FIGNL2: variants seen among roughly 807,000 people sequenced by gnomAD.
FIGNL2 encodes fidgetin-like protein 2.
For synonymous variants in FIGNL2, 565 were observed against 484.0 expected (o/e 1.17, Z -2.20); for missense variants, 1,060 against 950.2 (o/e 1.12, Z -1.52).
intron 1 of FIGNL2, chr12:51,845,722 G>C (rs1939737999): frequency 3.1e-6 from 3 of 970,296 alleles, no homozygotes; most frequent in Non-Finnish European, 3.7e-6. Context: ...CCGACGGCAG[G>C]GGGAGGGGAA....
chr12:51,822,067 G>A lies in FIGNL2; in HGVS notation c.347C>T (p.Pro116Leu). 1 of 1,610,938 alleles carries A rather than the reference G, an allele frequency of 6.2e-7. No homozygotes were observed. The highest frequency in any genetic ancestry group is 8.5e-7 in the Non-Finnish European group (1 of 1,178,746). Residue 116 changes from proline to leucine, a missense_variant, in exon 2 of 2, where the codon CCA (proline) becomes CTA (leucine). Physicochemically the swap from Pro to Leu is moderately conservative, Grantham distance 98 (BLOSUM62 -3). Transcript: ENST00000618634. ...GCCGCCACCGCCCGATTTGGTTCCTGGGAGGCCTTCGTGGAGTGAGGCCAA... is the reference window on the plus strand; with the variant it reads ...GCCGCCACCGCCCGATTTGGTTCCTAGGAGGCCTTCGTGGAGTGAGGCCAA... The part of the protein sequence containing the change: ...YPLASLHEGL[P>L]GTKSGGGGGS...
At chr12:51,848,015 G>C in intron 1 of FIGNL2, 1 of 702,116 alleles carries the variant, frequency 1.4e-6, no homozygotes, top group Non-Finnish European at 1.8e-6. Context: ...AAGTAGCCTC[G>C]GCCTCCTGTC....
rs966889171 is a variant in FIGNL2, at chr12:51,837,234, C to A, written c.-12+11306G>T. Among the ~76,000 whole-genome samples, 5 of 152,150 alleles carry A rather than the reference C, an allele frequency of 3.3e-5. No homozygotes were observed. The East Asian group carries it at 7.7e-4, about 23-fold the overall frequency. On this transcript the variant is annotated intron_variant, in intron 1 of 1. Coordinates refer to ENST00000618634, the MANE Select transcript of FIGNL2 (RefSeq NM_001384995.1). ...GATCCATAAAATCCCAATTTACACA[C>A]TCACTGATCAAACAGCCCATCTACT...
Position 51,820,764 on chromosome 12 carries a change from A to T in FIGNL2, c.1650T>A (p.Ser550=). The change falls in exon 2 of 2, where the codon TCT becomes TCA. Residue 550 remains serine, a synonymous_variant. Coordinates refer to ENST00000618634, the MANE Select transcript of FIGNL2 (RefSeq NM_001384995.1). The part of the protein sequence containing the change: ...ALDEATRRRF[S]LRFYVALPDS... ...CGGGCAGCGCCACGTAGAAGCGGAG[A>T]GAGAAGCGCCGGCGGGTCGCCTCGT... is the stretch of plus-strand genomic sequence containing the variant. 6.7e-7 allele frequency: 1 copy of T among 1,485,756 alleles called. No homozygotes were observed. Among genetic ancestry groups the T allele is most frequent in the East Asian group, 2.9e-5 (1 of 34,388 alleles). The allele number at this position is 1,485,756 out of a possible 1,614,324, so 92.0% of individuals were successfully genotyped here.
intron 1 of FIGNL2, 112 bp from the exon 2 acceptor site, chr12:51,822,536 C>A: frequency 8.3e-7 from 1 of 1,209,790 alleles, no homozygotes; most frequent in Non-Finnish European, 1.2e-6. Flanking sequence ...GCTGGGCTTC[C>A]GGCATCCACC....
chr12:51,826,185 G>A (rs532152064), intron 1 of FIGNL2, among the ~76,000 whole-genome samples: 3 of 150,828 alleles, frequency 2.0e-5, no homozygotes, highest in African/African-American at 7.4e-5. Flanking sequence ...CCCCCACACA[G>A]TTAGCTTGAT....
At chr12:51,838,508 C>A (rs1002607423) in intron 1 of FIGNL2, among the ~76,000 whole-genome samples, 1 of 152,192 alleles carries the variant, frequency 6.6e-6, no homozygotes, top group Non-Finnish European at 1.5e-5. Flanking sequence ...TCTAGCCAGC[C>A]CTTCCCCCTC....
Position 51,845,458 on chromosome 12 carries a change from CCG to C in FIGNL2, c.-12+3080_-12+3081del, listed in dbSNP as rs1939732499. On this transcript the variant is annotated intron_variant, in intron 1 of 1. Coordinates refer to ENST00000618634, the MANE Select transcript of FIGNL2 (RefSeq NM_001384995.1). Reference sequence around the variant, plus strand: ...CCCATACTTGACCTCTTGTGGCTCACCGCCCCCCCCCCACAGTCTCTGTCCCC... The same window carrying C: ...CCCATACTTGACCTCTTGTGGCTCACCCCCCCCCCCACAGTCTCTGTCCCC... The C allele has an allele frequency of 9.8e-6, 9 of 918,288 alleles. No homozygotes were observed. The South Asian group carries it at 3.6e-4, about 37-fold the overall frequency. 56.9% of individuals were successfully genotyped at this position (918,288 alleles called of 1,614,324 possible).
intron 1 of FIGNL2, chr12:51,845,447 C>T: frequency 2.1e-6 from 2 of 952,422 alleles, no homozygotes; most frequent in South Asian, 4.9e-5. Flanking sequence ...TACTTGACCT[C>T]TTGTGGCTCA....
chr12:51,824,208 A>G (rs1939285592), intron 1 of FIGNL2: 1 of 152,276 alleles, frequency 6.6e-6, no homozygotes, highest in African/African-American at 2.4e-5. Flanking sequence ...GACAACCTAC[A>G]TAACCATCCA....
Position 51,821,498 on chromosome 12 carries a change from C to G in FIGNL2, c.916G>C (p.Gly306Arg), listed in dbSNP as rs1227929308. Reference protein sequence around the residue: ...YPAADNGECRGNGFRAKPPGA... With the variant: ...YPAADNGECRRNGFRAKPPGA... ...GGCGGCTTGGCCCGGAACCCGTTGCCCCGACATTCGCCGTTGTCCGCGGCG... is the reference window on the plus strand; with the variant it reads ...GGCGGCTTGGCCCGGAACCCGTTGCGCCGACATTCGCCGTTGTCCGCGGCG... The change falls in exon 2 of 2, where the codon GGC becomes CGC. Residue 306 changes from glycine to arginine, a missense_variant. Gly to Arg is a moderately radical substitution (Grantham distance 125). Transcript: ENST00000618634. 1 of 1,559,574 alleles carries G rather than the reference C, an allele frequency of 6.4e-7. No homozygotes were observed. The highest frequency in any genetic ancestry group is 8.6e-7 in the Non-Finnish European group (1 of 1,160,640).
In FIGNL2 at chr12:51,830,691, C is replaced by T. The variant is rs575857744; in HGVS notation, c.-11-8267G>A. 8.6e-5 allele frequency among the ~76,000 whole-genome samples: 13 copies of T among 152,046 alleles called. 1 individual carries two copies. The South Asian group carries it at 2.5e-3, about 29-fold the overall frequency. ...TATTTTTAGTAGAGATGGGGTTTCA[C>T]CATGTTGGCCAGGCTGGTCTCAAAC... On this transcript the variant is annotated intron_variant, in intron 1 of 1. Coordinates refer to ENST00000618634, the MANE Select transcript of FIGNL2 (RefSeq NM_001384995.1).
intron 1 of FIGNL2, among the ~76,000 whole-genome samples, chr12:51,829,093 G>A (rs1364555620): frequency 2.6e-5 from 4 of 152,242 alleles, no homozygotes; most frequent in Non-Finnish European, 2.9e-5. Context: ...GCTGTGAGTC[G>A]GCTCCAGGCC....
Position 51,821,738 on chromosome 12 carries a change from G to GT in FIGNL2, c.675dup (p.Pro226ThrfsTer67). On this transcript the variant is annotated frameshift_variant, in exon 2 of 2. Coordinates refer to ENST00000618634, the MANE Select transcript of FIGNL2 (RefSeq NM_001384995.1). LOFTEE classifies it low-confidence loss of function (END_TRUNC). ...CCCGGGGTCAGGTAGGGGGCCGGGG[G>GT]TGGGCCTGGGGGCGGCGGGAGCGCG... The GT allele has an allele frequency of 7.7e-7, 1 of 1,301,974 alleles. No individual in the cohort carries two copies. The highest frequency in any genetic ancestry group is 9.7e-7 in the Non-Finnish European group (1 of 1,032,448). 80.7% of individuals were successfully genotyped at this position (1,301,974 alleles called of 1,614,324 possible). A position where few individuals can be genotyped will look rare whatever the true frequency, so the allele number is the denominator to read the frequency against.
chr12:51,823,241 T>TAG (rs1939264982), intron 1 of FIGNL2, among the ~76,000 whole-genome samples: 1 of 152,188 alleles, frequency 6.6e-6, no homozygotes, highest in Non-Finnish European at 1.5e-5. Flanking sequence ...GTAGAATAAA[T>TAG]AGGTCATATG....
In FIGNL2 at chr12:51,847,725, A is replaced by G. The variant is rs118021508; in HGVS notation, c.-12+815T>C. On this transcript the variant is annotated intron_variant, in intron 1 of 1. Transcript: ENST00000618634. Reference sequence around the variant, plus strand: ...GGGCACCAGCATTTGCTGATCACCTACAGGGTGCTCAGCAATCTGCGAAGG... The same window carrying G: ...GGGCACCAGCATTTGCTGATCACCTGCAGGGTGCTCAGCAATCTGCGAAGG... 2,364 of 985,224 alleles carry G rather than the reference A, an allele frequency of 2.4e-3. 60 individuals carry two copies. The Admixed American group carries it at 0.068, about 28-fold the overall frequency. The allele number at this position is 985,224 out of a possible 1,614,324, so 61.0% of individuals were successfully genotyped here.
Position 51,820,550 on chromosome 12 carries a change from C to T in FIGNL2, c.1864G>A (p.Asp622Asn). The T allele has an allele frequency of 1.9e-6, 3 of 1,542,526 alleles. No individual in the cohort carries two copies. The highest frequency in any genetic ancestry group is 2.6e-6 in the Non-Finnish European group (3 of 1,151,160). Residue 622 changes from aspartate (D) to asparagine (N), a missense_variant, in exon 2 of 2, where the codon GAC (aspartate) becomes AAC (asparagine). By Grantham distance (23) the Asp-to-Asn change is conservative (BLOSUM62 1). Transcript: ENST00000618634. ...PGLQRPLSYK[D>N]LEAALAKVGP... The stretch of plus-strand genomic sequence containing the variant: ...ACCTTGGCCAGCGCCGCCTCCAGGT[C>T]CTTGTAGGAGAGGGGGCGCTGCAGC...
chr12:51,838,785 C>T (rs1390373189), intron 1 of FIGNL2, among the ~76,000 whole-genome samples: 1 of 152,134 alleles, frequency 6.6e-6, no homozygotes, highest in East Asian at 1.9e-4. Context: ...GGGGGGGCTG[C>T]TCTCCAGGCC....
rs942884428 is a variant in FIGNL2 at position 51,820,956 on chromosome 12, G to C, written c.1458C>G (p.Ser486=). ...CCTCTAGCTCGCTGATGAGGAGTAC[G>C]GAGGGTGGGCGGCAGCGCGCGGCCG... The part of the protein sequence containing the change: ...AFAAARCRPP[S]VLLISELEAL... Residue 486 remains serine (S), a synonymous_variant, in exon 2 of 2, where the codon TCC becomes TCG. Transcript: ENST00000618634. 7 of 1,244,164 alleles carry C rather than the reference G, an allele frequency of 5.6e-6. No individual in the cohort carries two copies. Among genetic ancestry groups the C allele is most frequent in the African/African-American group, 3.2e-5 (2 of 63,456 alleles). The allele number at this position is 1,244,164 out of a possible 1,614,324, so 77.1% of individuals were successfully genotyped here. A position where few individuals can be genotyped will look rare whatever the true frequency, so the allele number is the denominator to read the frequency against.
Sources: gnomAD v4.1 joint callset for allele counts (sites outside exome capture counted in the v4.1 genomes callset) on GRCh38, gnomAD v4.1.1 for gene constraint, MANE v1.5 for transcripts, NCBI Gene and HGNC (gene_info 2026-07-23, HGNC 2026-07-21) for gene names.